PDE1C: variants seen among roughly 807,000 people sequenced by gnomAD.
PDE1C encodes phosphodiesterase 1C.
In PDE1C, 62 loss-of-function variants were observed where a neutral mutation model predicts 93.1. The observed-to-expected ratio is 0.67, with a 90% confidence interval of 0.54 to 0.82. The LOEUF is 0.82. PDE1C is among the 40% of genes least tolerant of loss of function. The pLI, the probability that PDE1C is intolerant of heterozygous loss-of-function variation, is 0.00. For synonymous variants in PDE1C, 325 were observed against 310.1 expected (o/e 1.05, Z -0.50); for missense variants, 742 against 884.6 (o/e 0.84, Z 2.04).
At chr7:31,676,453 T>C in the PDE1C span, among the ~76,000 whole-genome samples, 2 of 151,762 alleles carry the variant, frequency 1.3e-5, no homozygotes, top group Non-Finnish European at 2.9e-5. Flanking sequence ...CACAATTAGC[T>C]CCTAGGCCAA....
intron 2 of PDE1C, among the ~76,000 whole-genome samples, chr7:32,034,584 G>T (rs948802421): frequency 6.6e-6 from 1 of 152,106 alleles, no homozygotes; most frequent in Non-Finnish European, 1.5e-5. Context: ...TCCCAGTCAT[G>T]CTTGGCTTCA....
intron 3 of PDE1C, among the ~76,000 whole-genome samples, chr7:32,097,141 G>T (rs930348396): frequency 6.6e-6 from 1 of 152,162 alleles, no homozygotes; most frequent in African/African-American, 2.4e-5. Context: ...TCTTCAGTTT[G>T]TTGGATGAGA....
intron 1 of PDE1C, among the ~76,000 whole-genome samples, chr7:32,398,218 C>A (rs1477235139): frequency 6.7e-6 from 1 of 148,390 alleles, no homozygotes; most frequent in Non-Finnish European, 1.5e-5. Flanking sequence ...GAGGCTGAGG[C>A]AGGAGAATCA....
At position 31,886,090 on chromosome 7, in the gene PDE1C, G is replaced by A. The variant is rs1797839493; in HGVS notation, c.129-5230C>T. On this transcript the variant is annotated intron_variant, in intron 2 of 17. Coordinates refer to ENST00000396191, the MANE Select transcript of PDE1C (RefSeq NM_001191057.4). ...GTTTTGTTTGAAAGGATATGAGAGA[G>A]AACTGGATCTTTTACAGTACTTTCT... 2.6e-5 allele frequency among the ~76,000 whole-genome samples: 4 copies of A among 152,272 alleles called. No individual in the cohort carries two copies. The South Asian group carries it at 8.3e-4, about 32-fold the overall frequency.
intron 1 of PDE1C, among the ~76,000 whole-genome samples, chr7:32,213,358 G>A (rs897215442): frequency 6.6e-6 from 1 of 152,066 alleles, no homozygotes; most frequent in Non-Finnish European, 1.5e-5. Context: ...TCTGCCTCCT[G>A]GATATTCAGA....
chr7:31,663,446 T>A, the PDE1C span, among the ~76,000 whole-genome samples: 1 of 152,232 alleles, frequency 6.6e-6, no homozygotes, highest in African/African-American at 2.4e-5. Context: ...GAGTTTATCT[T>A]GCAGTTTTTT....
intron 1 of PDE1C, among the ~76,000 whole-genome samples, chr7:32,416,220 G>A (rs992189670): frequency 6.6e-6 from 1 of 152,244 alleles, no homozygotes; most frequent in African/African-American, 2.4e-5. Flanking sequence ...TAAGGTCGGA[G>A]AGTCCTCCCA....
At chr7:31,649,492 T>G in the PDE1C span, among the ~76,000 whole-genome samples, 86 of 152,312 alleles carry the variant, frequency 5.6e-4, no homozygotes, top group African/African-American at 2.0e-3. Context: ...CTACAAGGAA[T>G]GCTGGGAAAT....
chr7:32,009,576 A>G (rs1786791393), intron 2 of PDE1C, among the ~76,000 whole-genome samples: 1 of 152,224 alleles, frequency 6.6e-6, no homozygotes, highest in Non-Finnish European at 1.5e-5. Flanking sequence ...CCTGATCAAC[A>G]TCATACTTAA....
chr7:32,367,127 A>C (rs1784243430), intron 1 of PDE1C, among the ~76,000 whole-genome samples: 1 of 152,222 alleles, frequency 6.6e-6, no homozygotes, highest in Admixed American at 6.5e-5. Flanking sequence ...TTTCACAGAC[A>C]AGAAAAAACT....
chr7:32,260,736 T>C (rs1359950592), intron 1 of PDE1C, among the ~76,000 whole-genome samples: 1 of 152,184 alleles, frequency 6.6e-6, no homozygotes, highest in Non-Finnish European at 1.5e-5. Flanking sequence ...GGTTTGACTC[T>C]GAAACAAAAT....
At chr7:32,415,630 C>G (rs975194610) in intron 1 of PDE1C, among the ~76,000 whole-genome samples, 3 of 151,906 alleles carry the variant, frequency 2.0e-5, no homozygotes, top group African/African-American at 7.3e-5. Context: ...CTTCTCTTAC[C>G]CTCCTCCCTT....
chr7:32,196,977 G>A (rs556061104), intron 2 of PDE1C, among the ~76,000 whole-genome samples: 5 of 152,312 alleles, frequency 3.3e-5, no homozygotes, highest in South Asian at 4.1e-4. Flanking sequence ...CTATAGGGAT[G>A]AGGAGAAATT....
chr7:31,706,080 C>T, the PDE1C span, among the ~76,000 whole-genome samples: 9,323 of 128,920 alleles, frequency 0.072, 361 homozygotes, highest in Middle Eastern at 0.12. Context: ...TCTCGGCTTG[C>T]TGCAATCTCT....
At chr7:32,289,766 C>A (rs1447069992) in intron 1 of PDE1C, among the ~76,000 whole-genome samples, 1 of 152,154 alleles carries the variant, frequency 6.6e-6, no homozygotes, top group Non-Finnish European at 1.5e-5. Flanking sequence ...CTGGTGGTTA[C>A]TAGTCCATGC....
At chr7:32,003,340 A>T (rs1036286977) in intron 2 of PDE1C, among the ~76,000 whole-genome samples, 1 of 152,238 alleles carries the variant, frequency 6.6e-6, no homozygotes, top group Non-Finnish European at 1.5e-5. Flanking sequence ...TACTACTTCA[A>T]TATCTCTGCG....
the PDE1C span, chr7:31,642,182 G>C: frequency 6.4e-7 from 1 of 1,559,834 alleles, no homozygotes; most frequent in Non-Finnish European, 8.7e-7. Flanking sequence ...GCAGGTGCCA[G>C]GGTGGACAGA....
chr7:31,907,070 GGTGT>G (rs55999814), intron 2 of PDE1C, among the ~76,000 whole-genome samples: 13 of 145,274 alleles, frequency 8.9e-5, no homozygotes, highest in Admixed American at 2.1e-4. Flanking sequence ...TGATATGTGG[GGTGT>G]GTGTGTGTGT....
At chr7:32,415,825 G>A (rs1430362460) in intron 1 of PDE1C, among the ~76,000 whole-genome samples, 1 of 152,202 alleles carries the variant, frequency 6.6e-6, no homozygotes, top group Non-Finnish European at 1.5e-5. Context: ...TGGCTTATAG[G>A]CTAGTCATCT....
Sources: allele counts gnomAD v4.1 joint callset (sites outside exome capture counted in the v4.1 genomes callset), GRCh38; gene constraint gnomAD v4.1.1; transcripts MANE v1.5; gene names NCBI Gene and HGNC (gene_info 2026-07-23, HGNC 2026-07-21).